The following PCDHGA11 variants were observed in gnomAD, a reference collection of about 807,000 sequenced individuals.
The protein encoded by PCDHGA11 is protocadherin gamma subfamily A, 11, also known as protocadherin gamma-A11.
Under a neutral mutation model 60.4 loss-of-function variants are expected in PCDHGA11, and 39 were observed. The ratio of observed to expected loss-of-function variants is 0.65; its 90% CI spans 0.50 to 0.84. The LOEUF is 0.84. PCDHGA11 is among the 40% of genes least tolerant of loss of function. PCDHGA11 has a pLI of 0.00. For synonymous variants in PCDHGA11, 533 were observed against 510.3 expected (o/e 1.04, Z -0.60); for missense variants, 1,165 against 1,197.7 (o/e 0.97, Z 0.40).
At chr5:141,478,159 T>C (rs1456465606) in intron 1 of PCDHGA11, 2 of 1,614,064 alleles carry the variant, frequency 1.2e-6, no homozygotes, top group Admixed American at 1.7e-5. Flanking sequence ...CCTCTGGCTC[T>C]GCCCCCCGGG....
intron 2 of PCDHGA11, among the ~76,000 whole-genome samples, chr5:141,501,700 C>T (rs936448354): frequency 6.6e-6 from 1 of 151,950 alleles, no homozygotes; most frequent in African/African-American, 2.4e-5. Flanking sequence ...AGGGTGATTC[C>T]GAGGATAAAA....
At chr5:141,434,331 T>C (rs1271938024) in intron 1 of PCDHGA11, among the ~76,000 whole-genome samples, 3 of 152,186 alleles carry the variant, frequency 2.0e-5, no homozygotes, top group Non-Finnish European at 4.4e-5. Context: ...GCTTGTCTCT[T>C]TGTGTCGGGA....
At chr5:141,461,740 G>T (rs770518286) in intron 1 of PCDHGA11, among the ~76,000 whole-genome samples, 1 of 152,072 alleles carries the variant, frequency 6.6e-6, no homozygotes, top group African/African-American at 2.4e-5. Context: ...GCACAATCCC[G>T]GCTCCCAGAT....
intron 1 of PCDHGA11, among the ~76,000 whole-genome samples, chr5:141,445,787 T>C (rs2098477657): frequency 1.3e-5 from 2 of 152,182 alleles, no homozygotes; most frequent in South Asian, 4.1e-4. Context: ...CTAGGGAGGC[T>C]AGAAACAGAA....
intron 1 of PCDHGA11, chr5:141,478,479 C>T (rs750055106): frequency 1.9e-6 from 3 of 1,613,550 alleles, no homozygotes; most frequent in Admixed American, 1.7e-5. Context: ...CGCCAGAACA[C>T]GCTGCGGAGC....
chr5:141,422,399 T>C lies in PCDHGA11; in HGVS notation c.1172T>C (p.Leu391Pro). 1.9e-6 allele frequency: 3 copies of C among 1,598,374 alleles called. No homozygotes were observed. Among genetic ancestry groups the C allele is most frequent in the Non-Finnish European group, 2.6e-6 (3 of 1,174,466 alleles). Residue 391 changes from leucine (L) to proline (P), a missense_variant, in exon 1 of 4, where the codon CTG becomes CCG. Leu to Pro is a moderately conservative substitution (Grantham distance 98, BLOSUM62 -3). Transcript: ENST00000398587. The stretch of plus-strand genomic sequence containing the variant: ...GTCTCCTGTTTTATTCCTAACCACC[T>C]GCCTTTTAAATTAGAAAAGACTTAT... ...GQVSCFIPNH[L>P]PFKLEKTYGN...
At chr5:141,504,352 G>A (rs2099837588) in intron 2 of PCDHGA11, among the ~76,000 whole-genome samples, 3 of 152,016 alleles carry the variant, frequency 2.0e-5, no homozygotes, top group Admixed American at 1.3e-4. Flanking sequence ...TTTGTGCTAG[G>A]TGCTTCAGTA....
At chr5:141,500,473 T>C (rs911171031) in intron 2 of PCDHGA11, among the ~76,000 whole-genome samples, 10 of 152,132 alleles carry the variant, frequency 6.6e-5, no homozygotes, top group Admixed American at 4.6e-4. Flanking sequence ...CCTCCCAAAG[T>C]GCTGGGATTA....
intron 1 of PCDHGA11, among the ~76,000 whole-genome samples, chr5:141,492,781 T>C (rs945023154): frequency 9.9e-5 from 15 of 152,194 alleles, no homozygotes; most frequent in African/African-American, 3.6e-4. Flanking sequence ...TGAGTGAGCC[T>C]CTATAGGACA....
Position 141,512,554 on chromosome 5 carries a change from T to TAG in PCDHGA11, c.*1383_*1384dup, listed in dbSNP as rs2099884300. ...AAGTTCCCCAGTGCCTCCTTGTGCA[T>TAG]AGACCTTCTTCTCCCACCCCCTTCT... is the stretch of plus-strand genomic sequence containing the variant. On this transcript the variant is annotated 3_prime_UTR_variant, in exon 4 of 4. Coordinates refer to ENST00000398587, the MANE Select transcript of PCDHGA11 (RefSeq NM_018914.3). 6.5e-6 allele frequency: 1 copy of TAG among 153,012 alleles called. No homozygotes were observed. Among genetic ancestry groups the TAG allele is most frequent in the Non-Finnish European group, 1.5e-5 (1 of 68,482 alleles). 9.5% of individuals were successfully genotyped at this position (153,012 alleles called of 1,614,324 possible).
chr5:141,430,108 G>A (rs572634913), intron 1 of PCDHGA11, among the ~76,000 whole-genome samples: 1 of 152,190 alleles, frequency 6.6e-6, no homozygotes, highest in South Asian at 2.1e-4. Context: ...AGCGTTACAT[G>A]TCAACAACCT....
chr5:141,438,595 T>TAC (rs2098000070), intron 1 of PCDHGA11, among the ~76,000 whole-genome samples: 6 of 58,022 alleles, frequency 1.0e-4, no homozygotes, highest in African/African-American at 1.8e-4. Context: ...TACATACATA[T>TAC]ATATATATAT....
rs2099612668 is a variant in PCDHGA11, at chr5:141,485,382, TGA to T, written c.2434-9424_2434-9423del. The T allele has an allele frequency of 6.2e-7, 1 of 1,613,538 alleles. No homozygotes were observed. The highest frequency in any genetic ancestry group is 8.5e-7 in the Non-Finnish European group (1 of 1,179,906). On this transcript the variant is annotated intron_variant, in intron 1 of 3. Coordinates refer to ENST00000398587, the MANE Select transcript of PCDHGA11 (RefSeq NM_018914.3). The surrounding 1 kb of genome is among the most constrained non-coding windows in gnomAD (Gnocchi z 5.7). ...CGCAGGCTGCAGGTCGCTGGAGAGG[TGA>T]ACCAAAGACACTTCCGTGTGGATTT...
In PCDHGA11 at chr5:141,431,788, T is replaced by G. The variant is rs775397713; in HGVS notation, c.2433+8128T>G. 1 of 1,614,190 alleles carries G rather than the reference T, an allele frequency of 6.2e-7. No homozygotes were observed. The highest frequency in any genetic ancestry group is 1.1e-5 in the South Asian group (1 of 91,080). ...TCACTGTTCTGGACGTGAACGACAA[T>G]GCCCCAGAAGTGGTCCTCACCTCTC... On this transcript the variant is annotated intron_variant, in intron 1 of 3. Coordinates refer to ENST00000398587, the MANE Select transcript of PCDHGA11 (RefSeq NM_018914.3). The surrounding 1 kb of genome is among the most constrained non-coding windows in gnomAD (Gnocchi z 4.8).
At chr5:141,488,866 G>A (rs957501628) in intron 1 of PCDHGA11, among the ~76,000 whole-genome samples, 1 of 152,148 alleles carries the variant, frequency 6.6e-6, no homozygotes, top group African/African-American at 2.4e-5. Flanking sequence ...GAAGTGAGTG[G>A]GGAGGTAGGA....
At chr5:141,433,034 C>G (rs1357694242) in intron 1 of PCDHGA11, 2 of 1,614,184 alleles carry the variant, frequency 1.2e-6, no homozygotes, top group Non-Finnish European at 1.7e-6. Flanking sequence ...CGAGGTTTCC[C>G]TCACCACGGA....
rs1188870363 is a variant in PCDHGA11 at position 141,490,058 on chromosome 5, C to T, written c.2434-4749C>T. ...AATGCCACTGATCCAGACGAGGGCA[C>T]CAACGGCCAACTAGACTATTCTTTT... On this transcript the variant is annotated intron_variant, in intron 1 of 3. Coordinates refer to ENST00000398587, the MANE Select transcript of PCDHGA11 (RefSeq NM_018914.3). The surrounding 1 kb of genome is among the most constrained non-coding windows in gnomAD (Gnocchi z 5.4). The T allele has an allele frequency of 6.2e-7, 1 of 1,614,230 alleles. No individual in the cohort carries two copies. Among genetic ancestry groups the T allele is most frequent in the South Asian group, 1.1e-5 (1 of 91,084 alleles).
In PCDHGA11 at chr5:141,423,556, G is replaced by A. The variant is rs926962652; in HGVS notation, c.2329G>A (p.Gly777Arg). The change falls in exon 1 of 4, where the codon GGG (glycine) becomes AGG (arginine). Residue 777 changes from glycine to arginine, a missense_variant. Physicochemically the swap from Gly to Arg is moderately radical, Grantham distance 125 (BLOSUM62 -2). Transcript: ENST00000398587. ...CCTGATTTTCCCCCAGCCCAACTATGGGGACACGCTCATCAGCCAGGAGAG... is the reference window on the plus strand; with the variant it reads ...CCTGATTTTCCCCCAGCCCAACTATAGGGACACGCTCATCAGCCAGGAGAG... ...SHLIFPQPNY[G>R]DTLISQESCE... 4 of 1,613,550 alleles carry A rather than the reference G, an allele frequency of 2.5e-6. No individual in the cohort carries two copies. The highest frequency in any genetic ancestry group is 2.7e-5 in the African/African-American group (2 of 74,920).
chr5:141,505,335 A>G, intron 2 of PCDHGA11, 58 bp from the exon 3 acceptor site: 1 of 1,611,086 alleles, frequency 6.2e-7, no homozygotes, highest in Non-Finnish European at 8.5e-7. Flanking sequence ...AGAGGACAGG[A>G]GGGGCATGAG....
Sources: gnomAD v4.1 joint callset for allele counts (sites outside exome capture counted in the v4.1 genomes callset) on GRCh38, gnomAD v4.1.1 for gene constraint, Gnocchi (gnomAD v3.1) non-coding constraint, MANE v1.5 for transcripts, NCBI Gene and HGNC (gene_info 2026-07-23, HGNC 2026-07-21) for gene names.